SLC30A4: variants seen among roughly 807,000 people sequenced by gnomAD.
SLC30A4 encodes solute carrier family 30 member 4, also known as probable proton-coupled zinc antiporter SLC30A4.
In SLC30A4, 20 loss-of-function variants were observed where a neutral mutation model predicts 41.7. The ratio of observed to expected loss-of-function variants is 0.48; its 90% CI spans 0.34 to 0.70. The LOEUF is 0.70. SLC30A4 is among the 30% of genes least tolerant of loss of function. The probability of loss-of-function intolerance (pLI) is 0.01; values close to 1 mark genes in which losing one functional copy is unlikely to be tolerated. For missense variants in SLC30A4, 441 were observed against 529.3 expected (o/e 0.83, Z 1.64); for synonymous variants, 181 against 195.9 (o/e 0.92, Z 0.64).
At chr15:45,517,245 A>G (rs1025002037) in intron 2 of SLC30A4, among the ~76,000 whole-genome samples, 4 of 147,586 alleles carry the variant, frequency 2.7e-5, no homozygotes, top group Non-Finnish European at 4.4e-5. Flanking sequence ...AATTTTACCT[A>G]TTCCTACGGC....
At chr15:45,515,534 T>A (rs1892443357) in intron 2 of SLC30A4, among the ~76,000 whole-genome samples, 1 of 151,874 alleles carries the variant, frequency 6.6e-6, no homozygotes, top group Admixed American at 6.6e-5. Flanking sequence ...GTGCCTGTAG[T>A]CCCAGCTACT....
chr15:45,522,492 A>G, intron 1 of SLC30A4, 24 bp from the exon 2 acceptor site: 1 of 894,296 alleles, frequency 1.1e-6, no homozygotes. Context: ...AACACGTTAT[A>G]AATTAAAGGC....
In SLC30A4 at chr15:45,515,194, T is replaced by C. The variant is rs146076668; in HGVS notation, c.392-3910A>G. Among the ~76,000 whole-genome samples the C allele has an allele frequency of 1.5e-3, 228 of 152,126 alleles. 1 individual carries two copies. Among genetic ancestry groups the C allele is most frequent in the Middle Eastern group, 3.4e-3 (1 of 294 alleles). On this transcript the variant is annotated intron_variant, in intron 2 of 7. Coordinates refer to ENST00000261867, the MANE Select transcript of SLC30A4 (RefSeq NM_013309.6). ...ATGACACCGTGCTTGGCTTTTTTTT[T>C]TTCTTCAATTTTTAGTGAAGATAAG...
chr15:45,509,606 T>C (rs996820180), intron 3 of SLC30A4, among the ~76,000 whole-genome samples: 3 of 152,052 alleles, frequency 2.0e-5, no homozygotes. Context: ...AAAACTTCAC[T>C]TGGGGCTTTA....
chr15:45,508,611 T>A (rs1892212303), intron 3 of SLC30A4, among the ~76,000 whole-genome samples: 2 of 152,240 alleles, frequency 1.3e-5, no homozygotes, highest in South Asian at 4.1e-4. Flanking sequence ...GAAATGTGTT[T>A]ACTGGTAACC....
intron 2 of SLC30A4, among the ~76,000 whole-genome samples, chr15:45,519,858 AACCT>A (rs1892609164): frequency 6.6e-6 from 1 of 152,232 alleles, no homozygotes; most frequent in South Asian, 2.1e-4. Context: ...AAAATCATTA[AACCT>A]GAATGACTCA....
intron 2 of SLC30A4, among the ~76,000 whole-genome samples, chr15:45,518,802 C>T (rs1049843138): frequency 2.6e-5 from 4 of 151,920 alleles, no homozygotes; most frequent in Non-Finnish European, 4.4e-5. Flanking sequence ...TGAGCTCAAG[C>T]GATCCTCAGG....
At position 45,485,434 on chromosome 15, in the gene SLC30A4, C is replaced by A; in HGVS notation, c.1136-117G>T. 2 of 687,670 alleles carry A rather than the reference C, an allele frequency of 2.9e-6. 1 individual carries two copies. The highest frequency in any genetic ancestry group is 4.2e-5 in the South Asian group (2 of 47,138). 42.6% of individuals were successfully genotyped at this position (687,670 alleles called of 1,614,324 possible). A position where few individuals can be genotyped will look rare whatever the true frequency, so the allele number is the denominator to read the frequency against. On this transcript the variant is annotated intron_variant, in intron 7 of 7. Transcript: ENST00000261867. ...TATATTTTTATTAGTCTGATTTCTACCCTCTCTAAGCTATTCTGTTAGATA... is the reference window on the plus strand; with the variant it reads ...TATATTTTTATTAGTCTGATTTCTAACCTCTCTAAGCTATTCTGTTAGATA...
intron 3 of SLC30A4, among the ~76,000 whole-genome samples, chr15:45,491,611 T>A (rs1310675214): frequency 1.3e-5 from 2 of 152,210 alleles, no homozygotes; most frequent in African/African-American, 4.8e-5. Context: ...GCCAACGTTG[T>A]AACAAGGTTC....
chr15:45,501,665 T>C (rs1025885731), intron 3 of SLC30A4, among the ~76,000 whole-genome samples: 2 of 151,992 alleles, frequency 1.3e-5, no homozygotes, highest in African/African-American at 4.8e-5. Context: ...CATGGCTGGC[T>C]AATTTTTTAA....
At chr15:45,488,153 A>C (rs1891744400) in intron 5 of SLC30A4, among the ~76,000 whole-genome samples, 1 of 152,150 alleles carries the variant, frequency 6.6e-6, no homozygotes, top group African/African-American at 2.4e-5. Context: ...TCAAGTTTAG[A>C]GTTCAGGTAT....
intron 3 of SLC30A4, among the ~76,000 whole-genome samples, chr15:45,505,539 G>A (rs1892137114): frequency 6.6e-6 from 1 of 152,162 alleles, no homozygotes; most frequent in South Asian, 2.1e-4. Context: ...AGGAGCAAGG[G>A]AATATTACTT....
intron 4 of SLC30A4, 57 bp downstream of exon 4, chr15:45,490,671 A>C: frequency 2.6e-6 from 3 of 1,149,438 alleles, no homozygotes; most frequent in South Asian, 3.1e-5. Flanking sequence ...ATGCATATGC[A>C]ATAGTCTCTG....
chr15:45,517,834 GCTA>G (rs977291869), intron 2 of SLC30A4, among the ~76,000 whole-genome samples: 5 of 152,030 alleles, frequency 3.3e-5, no homozygotes, highest in Non-Finnish European at 5.9e-5. Context: ...TGTAGTCCCA[GCTA>G]CTCAGGAGGC....
chr15:45,501,728 C>T (rs996889434), intron 3 of SLC30A4, among the ~76,000 whole-genome samples: 1 of 151,934 alleles, frequency 6.6e-6, no homozygotes, highest in African/African-American at 2.4e-5. Context: ...TGGTCTCAAA[C>T]TCAAGGGCTC....
chr15:45,498,144 A>G (rs187505663), intron 3 of SLC30A4, among the ~76,000 whole-genome samples: 2 of 152,330 alleles, frequency 1.3e-5, no homozygotes, highest in African/African-American at 4.8e-5. Context: ...TATATAGCAA[A>G]TATCTGAAGA....
chr15:45,521,217 C>G (rs746121238), intron 2 of SLC30A4, among the ~76,000 whole-genome samples: 3 of 152,146 alleles, frequency 2.0e-5, no homozygotes, highest in Non-Finnish European at 4.4e-5. Context: ...AAAATAACCT[C>G]TAAACTAAGA....
rs1892708780 is a variant in SLC30A4 at position 45,522,521 on chromosome 15, G to A, written c.-114-53C>T. The A allele has an allele frequency of 4.5e-6, 3 of 664,090 alleles. No homozygotes were observed. The South Asian group carries it at 8.6e-5, about 19-fold the overall frequency. 41.1% of individuals were successfully genotyped at this position (664,090 alleles called of 1,614,324 possible). A position where few individuals can be genotyped will look rare whatever the true frequency, so the allele number is the denominator to read the frequency against. On this transcript the variant is annotated intron_variant, in intron 1 of 7. Transcript: ENST00000261867. ...TAAAGGCGCCCAACCCTGTCCTCAA[G>A]TTCCGAAGCCGCTGGCGGCGGGTCG...
chr15:45,519,823 C>T (rs1339798871), intron 2 of SLC30A4, among the ~76,000 whole-genome samples: 1 of 151,902 alleles, frequency 6.6e-6, no homozygotes, highest in Non-Finnish European at 1.5e-5. Context: ...GTTATTTTAA[C>T]TTCAAATATT....
Sources: allele counts gnomAD v4.1 joint callset (sites outside exome capture counted in the v4.1 genomes callset), GRCh38; gene constraint gnomAD v4.1.1; transcripts MANE v1.5; gene names NCBI Gene and HGNC (gene_info 2026-07-23, HGNC 2026-07-21).